The following ST18 variants were observed in gnomAD, a reference collection of about 807,000 sequenced individuals.
The protein encoded by ST18 is suppression of tumorigenicity 18 protein.
In ST18, 50 loss-of-function variants were observed where a neutral mutation model predicts 110.0. That is an observed-to-expected ratio of 0.45 (90% CI 0.36 to 0.58). ST18 has a LOEUF of 0.58. ST18 is among the 20% of genes least tolerant of loss of function. The pLI, the probability that ST18 is intolerant of heterozygous loss-of-function variation, is 0.00. For missense variants in ST18, 1,306 were observed against 1,280.1 expected (o/e 1.02, Z -0.31); for synonymous variants, 461 against 452.4 (o/e 1.02, Z -0.24).
chr8:52,296,402 C>A (rs750035414), intron 2 of ST18: 2 of 152,140 alleles, frequency 1.3e-5, no homozygotes, highest in Non-Finnish European at 2.9e-5. Context: ...CCCTCCTAGA[C>A]GGGGGGAACT....
At chr8:52,307,028 A>G (rs1322687157) in intron 2 of ST18, among the ~76,000 whole-genome samples, 5 of 152,140 alleles carry the variant, frequency 3.3e-5, no homozygotes, top group African/African-American at 1.2e-4. Flanking sequence ...TCTATAGAAT[A>G]AAAAAATTAA....
rs144020342 is a variant in ST18 at position 52,343,250 on chromosome 8, C to A, written c.-465+66078G>T. ...GAAATAAACCAGGCCGTTACTAACC[C>A]GCCAGACAATAAAGCTTCAGGAGAG... On this transcript the variant is annotated intron_variant, in intron 2 of 25. Transcript: ENST00000689386. Among the ~76,000 whole-genome samples, 11 of 152,232 alleles carry A rather than the reference C, an allele frequency of 7.2e-5. No homozygotes were observed. The East Asian group carries it at 1.9e-3, about 27-fold the overall frequency.
chr8:52,285,006 A>T lies in ST18; in HGVS notation c.-464-54929T>A, dbSNP rs558779600. On this transcript the variant is annotated intron_variant, in intron 2 of 25. Coordinates refer to ENST00000689386, the MANE Select transcript of ST18 (RefSeq NM_001352837.2). ...AAATGTTGAACAACTATAAGGAAGG[A>T]CATTCCTAACTATACGAGCTGTTCA... Among the ~76,000 whole-genome samples the T allele has an allele frequency of 5.3e-5, 8 of 152,316 alleles. No individual in the cohort carries two copies. The East Asian group carries it at 1.5e-3, about 29-fold the overall frequency.
intron 2 of ST18, among the ~76,000 whole-genome samples, chr8:52,354,002 G>A (rs957012086): frequency 2.0e-5 from 3 of 152,222 alleles, no homozygotes; most frequent in African/African-American, 7.2e-5. Flanking sequence ...TCCACCTGCT[G>A]AACAGCGTCT....
intron 2 of ST18, among the ~76,000 whole-genome samples, chr8:52,306,893 A>G (rs2095822507): frequency 6.6e-6 from 1 of 152,264 alleles, no homozygotes; most frequent in Middle Eastern, 3.2e-3. Flanking sequence ...ATATTATATT[A>G]TCAGGTTTAT....
intron 3 of ST18, among the ~76,000 whole-genome samples, chr8:52,224,221 C>T (rs16917525): frequency 0.082 from 12,425 of 152,160 alleles, 1,076 homozygotes; most frequent in African/African-American, 0.21. Flanking sequence ...GTCAAGTTTG[C>T]ATAACCACTT....
intron 23 of ST18, among the ~76,000 whole-genome samples, chr8:52,123,091 G>C (rs1050602102): frequency 6.6e-6 from 1 of 152,132 alleles, no homozygotes; most frequent in Admixed American, 6.5e-5. Context: ...TATTATCAAG[G>C]ACTAGTAAAG....
intron 2 of ST18, among the ~76,000 whole-genome samples, chr8:52,273,039 A>G (rs1307244049): frequency 6.6e-6 from 1 of 152,226 alleles, no homozygotes; most frequent in Non-Finnish European, 1.5e-5. Flanking sequence ...CTGTTAAGAG[A>G]GCAGATTTCA....
chr8:52,260,233 A>T (rs2094643966), intron 2 of ST18, among the ~76,000 whole-genome samples: 1 of 152,112 alleles, frequency 6.6e-6, no homozygotes, highest in Admixed American at 6.6e-5. Context: ...ACCTGTATGT[A>T]TCTCTATACC....
At chr8:52,270,800 G>A (rs148408796) in intron 2 of ST18, among the ~76,000 whole-genome samples, 11 of 152,258 alleles carry the variant, frequency 7.2e-5, no homozygotes, top group Admixed American at 2.0e-4. Flanking sequence ...ATTGATAGTG[G>A]TGAAGTGTAC....
At chr8:52,205,152 C>T (rs748996068) in intron 8 of ST18, among the ~76,000 whole-genome samples, 10 of 150,404 alleles carry the variant, frequency 6.6e-5, no homozygotes, top group Admixed American at 3.3e-4. Context: ...GGTATAATCA[C>T]AGTTATATAT....
At chr8:52,160,758 C>G (rs1173654033) in intron 14 of ST18, among the ~76,000 whole-genome samples, 1 of 152,140 alleles carries the variant, frequency 6.6e-6, no homozygotes, top group East Asian at 1.9e-4. Flanking sequence ...GAGTTATGGT[C>G]TTCTATATGG....
chr8:52,315,473 T>C (rs573662589), intron 2 of ST18, among the ~76,000 whole-genome samples: 82 of 152,300 alleles, frequency 5.4e-4, no homozygotes, highest in African/African-American at 1.9e-3. Context: ...CTATTGAAAA[T>C]TGTAGCCCCA....
chr8:52,386,145 A>T (rs1218017442), intron 2 of ST18, among the ~76,000 whole-genome samples: 1 of 152,218 alleles, frequency 6.6e-6, no homozygotes, highest in African/African-American at 2.4e-5. Flanking sequence ...ATGAGAAGGG[A>T]TTGGTTACAT....
chr8:52,130,582 G>A (rs1396672339), intron 22 of ST18, among the ~76,000 whole-genome samples: 1 of 152,206 alleles, frequency 6.6e-6, no homozygotes, highest in Non-Finnish European at 1.5e-5. Context: ...GATCCTCCGG[G>A]CATAAGTCTG....
chr8:52,171,590 G>C (rs73679148), intron 10 of ST18: 7,337 of 698,446 alleles, frequency 0.011, 159 homozygotes, highest in African/African-American at 0.063. Flanking sequence ...TGTGAAAATA[G>C]TCCAAAATTA....
At chr8:52,329,392 G>T (rs559726604) in intron 2 of ST18, among the ~76,000 whole-genome samples, 1 of 152,128 alleles carries the variant, frequency 6.6e-6, no homozygotes, top group South Asian at 2.1e-4. Context: ...AGATCCCAAA[G>T]AGCATGTTCA....
chr8:52,187,919 T>C (rs531691382), intron 8 of ST18, among the ~76,000 whole-genome samples: 1 of 152,360 alleles, frequency 6.6e-6, no homozygotes, highest in South Asian at 2.1e-4. Flanking sequence ...TTTAATTCCT[T>C]TTGCATACTT....
intron 2 of ST18, among the ~76,000 whole-genome samples, chr8:52,290,054 C>T (rs2095531643): frequency 6.6e-6 from 1 of 152,070 alleles, no homozygotes; most frequent in African/African-American, 2.4e-5. Context: ...GGTGCATCGA[C>T]TCTTATGGTA....
Sources: allele counts gnomAD v4.1 joint callset (sites outside exome capture counted in the v4.1 genomes callset), GRCh38; gene constraint gnomAD v4.1.1; transcripts MANE v1.5; gene names NCBI Gene and HGNC (gene_info 2026-07-23, HGNC 2026-07-21).